Variants in NEO1 observed in about 807,000 individuals in gnomAD.
The protein encoded by NEO1 is neogenin.
Under a neutral mutation model 159.7 loss-of-function variants are expected in NEO1, and 63 were observed. The observed-to-expected ratio is 0.39, with a 90% CI of 0.32 to 0.49. NEO1 has a LOEUF of 0.49. Among genes scored for constraint, NEO1 ranks in the 20% least tolerant of loss-of-function variants. The probability of loss-of-function intolerance (pLI) is 0.85; values close to 1 mark genes in which losing one functional copy is unlikely to be tolerated. For synonymous variants in NEO1, 633 were observed against 662.0 expected (o/e 0.96, Z 0.67); for missense variants, 1,615 against 1,831.0 (o/e 0.88, Z 2.15).
intron 26 of NEO1, among the ~76,000 whole-genome samples, chr15:73,295,849 C>T (rs2042343872): frequency 6.6e-6 from 1 of 152,206 alleles, no homozygotes; most frequent in South Asian, 2.1e-4. Flanking sequence ...TGGAAAAGCA[C>T]TTTCCTCTTG....
At chr15:73,123,452 C>T (rs554045348) in intron 3 of NEO1, among the ~76,000 whole-genome samples, 28 of 152,160 alleles carry the variant, frequency 1.8e-4, no homozygotes, top group African/African-American at 6.5e-4. Context: ...CAGGCTAGTT[C>T]GTATAAGGGA....
intron 5 of NEO1, chr15:73,161,957 AGTTT>A (rs1277214249): frequency 4.8e-6 from 1 of 207,388 alleles, no homozygotes; most frequent in African/African-American, 2.4e-5. Context: ...TGTTTTAGGA[AGTTT>A]GTTTGTTTTT....
chr15:73,117,650 A>G (rs993416392), intron 2 of NEO1, among the ~76,000 whole-genome samples: 2 of 152,184 alleles, frequency 1.3e-5, no homozygotes, highest in African/African-American at 4.8e-5. Context: ...CTACTCCAGG[A>G]TTATGGTTTC....
At chr15:73,088,647 G>T (rs1296678036) in intron 1 of NEO1, among the ~76,000 whole-genome samples, 1 of 152,042 alleles carries the variant, frequency 6.6e-6, no homozygotes, top group Non-Finnish European at 1.5e-5. Flanking sequence ...TAAAAAGAGT[G>T]AAAAAGTTTT....
intron 7 of NEO1, among the ~76,000 whole-genome samples, chr15:73,207,497 G>A (rs904241346): frequency 3.9e-5 from 6 of 152,142 alleles, no homozygotes; most frequent in Non-Finnish European, 8.8e-5. Context: ...TCAAGGCCCA[G>A]CTTTAAATGC....
chr15:73,138,773 A>G (rs1045360633), intron 5 of NEO1, among the ~76,000 whole-genome samples: 1 of 150,478 alleles, frequency 6.6e-6, no homozygotes, highest in African/African-American at 2.5e-5. Flanking sequence ...AAAAAAAAAC[A>G]AAAAAACAAA....
At chr15:73,183,601 G>A (rs939722559) in intron 7 of NEO1, among the ~76,000 whole-genome samples, 3 of 152,160 alleles carry the variant, frequency 2.0e-5, no homozygotes, top group African/African-American at 7.2e-5. Context: ...AGGAAGAAGA[G>A]CCAGAGGGCC....
intron 13 of NEO1, among the ~76,000 whole-genome samples, chr15:73,258,094 T>C (rs975542397): frequency 5.3e-5 from 8 of 152,218 alleles, no homozygotes; most frequent in African/African-American, 1.9e-4. Context: ...GTTTGTAGAA[T>C]AGACTTTTCT....
intron 1 of NEO1, among the ~76,000 whole-genome samples, chr15:73,106,945 T>A (rs1332855623): frequency 6.6e-6 from 1 of 152,222 alleles, no homozygotes; most frequent in Non-Finnish European, 1.5e-5. Flanking sequence ...GGACTAGATA[T>A]TGGATCCCTT....
At chr15:73,101,801 G>A (rs964929885) in intron 1 of NEO1, among the ~76,000 whole-genome samples, 1 of 152,040 alleles carries the variant, frequency 6.6e-6, no homozygotes. Flanking sequence ...GTAATTGCCT[G>A]TATCTATTTC....
chr15:73,124,504 T>G (rs2029894864), intron 3 of NEO1, among the ~76,000 whole-genome samples: 1 of 152,166 alleles, frequency 6.6e-6, no homozygotes, highest in Non-Finnish European at 1.5e-5. Context: ...CTATCCCATC[T>G]CCTACTCTTT....
chr15:73,169,877 G>C (rs1302843631), intron 5 of NEO1, among the ~76,000 whole-genome samples: 1 of 151,374 alleles, frequency 6.6e-6, no homozygotes, highest in Non-Finnish European at 1.5e-5. Flanking sequence ...TGTGGGTGTG[G>C]GTATGTGCTT....
At chr15:73,237,599 G>A (rs1354586335) in intron 8 of NEO1, among the ~76,000 whole-genome samples, 2 of 152,320 alleles carry the variant, frequency 1.3e-5, no homozygotes, top group East Asian at 3.9e-4. Context: ...AGTTTAGCAA[G>A]TGCAGGACCC....
At chr15:73,056,911 C>T (rs758219261) in intron 1 of NEO1, among the ~76,000 whole-genome samples, 1 of 152,068 alleles carries the variant, frequency 6.6e-6, no homozygotes, top group Non-Finnish European at 1.5e-5. Context: ...CAAAAGAGAT[C>T]ATAGAATTCT....
At chr15:73,127,347 A>G (rs977617824) in intron 4 of NEO1, among the ~76,000 whole-genome samples, 4 of 152,042 alleles carry the variant, frequency 2.6e-5, no homozygotes, top group East Asian at 1.9e-4. Flanking sequence ...TGTCCTTCCT[A>G]TCTCCTCTCA....
At chr15:73,254,866 G>A (rs1366337238) in intron 13 of NEO1, 37 bp downstream of exon 13, 2 of 1,588,166 alleles carry the variant, frequency 1.3e-6, no homozygotes, top group Admixed American at 3.7e-5. Context: ...GGTACACTGT[G>A]TCTTTCTCAG....
intron 26 of NEO1, among the ~76,000 whole-genome samples, chr15:73,296,244 G>A (rs910277725): frequency 3.9e-5 from 6 of 152,170 alleles, no homozygotes; most frequent in Non-Finnish European, 8.8e-5. Context: ...AGGCTGACAT[G>A]GCCTGGACAT....
intron 1 of NEO1, among the ~76,000 whole-genome samples, chr15:73,093,785 C>T (rs1449634119): frequency 1.3e-5 from 2 of 151,954 alleles, no homozygotes; most frequent in African/African-American, 2.4e-5. Context: ...CGCCATGCTT[C>T]CCTGGCTGGT....
At chr15:73,270,575 C>A in intron 18 of NEO1, 121 bp downstream of exon 18, 1 of 1,087,300 alleles carries the variant, frequency 9.2e-7, no homozygotes, top group South Asian at 1.7e-5. Flanking sequence ...TCAGTGTTTG[C>A]TATTTCAGCT....
Sources: allele counts gnomAD v4.1 joint callset (sites outside exome capture counted in the v4.1 genomes callset), GRCh38; gene constraint gnomAD v4.1.1; transcripts MANE v1.5; gene names NCBI Gene and HGNC (gene_info 2026-07-23, HGNC 2026-07-21).